The following SPRED2 variants were observed in gnomAD, a reference collection of about 807,000 sequenced individuals.
The protein encoded by SPRED2 is sprouty related EVH1 domain containing 2.
SPRED2 carries 47 observed loss-of-function variants against 43.0 expected under a neutral mutation model. The observed-to-expected ratio is 1.09, with a 90% CI of 0.87 to 1.40. SPRED2 has a LOEUF of 1.40. Among genes scored for constraint, SPRED2 ranks in the 40% most tolerant of loss-of-function variants. SPRED2 has a pLI of 0.00. For missense variants in SPRED2, 561 were observed against 586.4 expected (o/e 0.96, Z 0.45); for synonymous variants, 225 against 225.7 (o/e 1.00, Z 0.03).
intron 1 of SPRED2, among the ~76,000 whole-genome samples, chr2:65,391,610 C>T (rs1328587905): frequency 2.6e-5 from 4 of 152,172 alleles, no homozygotes; most frequent in Non-Finnish European, 4.4e-5. Flanking sequence ...AGGTTCTTAT[C>T]AACAGTTTCA....
chr2:65,411,791 G>A lies in SPRED2; in HGVS notation c.26+20171C>T, dbSNP rs566111409. On this transcript the variant is annotated intron_variant, in intron 1 of 5. Transcript: ENST00000356388. ...CTGGGTGGCTAGAGTAAGGCACAGA[G>A]GTGGCCTTTAGGATTGAGTACTCCG... is the stretch of plus-strand genomic sequence containing the variant. Among the ~76,000 whole-genome samples, 22 of 152,288 alleles carry A rather than the reference G, an allele frequency of 1.4e-4. No homozygotes were observed. The South Asian group carries it at 4.6e-3, about 32-fold the overall frequency.
At chr2:65,314,764 C>T (rs1673188826) in intron 5 of SPRED2, among the ~76,000 whole-genome samples, 1 of 152,186 alleles carries the variant, frequency 6.6e-6, no homozygotes, top group Non-Finnish European at 1.5e-5. Context: ...CATATGTGCA[C>T]AATATGTCCA....
intron 1 of SPRED2, among the ~76,000 whole-genome samples, chr2:65,408,858 C>T (rs1265387752): frequency 6.6e-6 from 1 of 152,172 alleles, no homozygotes; most frequent in Non-Finnish European, 1.5e-5. Flanking sequence ...GGATTACAAG[C>T]GTGAGCCACT....
intron 4 of SPRED2, among the ~76,000 whole-genome samples, chr2:65,318,102 A>C (rs1282335617): frequency 6.6e-6 from 1 of 152,056 alleles, no homozygotes; most frequent in Non-Finnish European, 1.5e-5. Flanking sequence ...TGTCCTCGGG[A>C]TAGTGAATAA....
At chr2:65,431,846 G>A in intron 1 of SPRED2, 116 bp downstream of exon 1, 4 of 1,259,254 alleles carry the variant, frequency 3.2e-6, no homozygotes, top group Non-Finnish European at 4.6e-6. Flanking sequence ...AAAGGTCAGC[G>A]AGTCGCTGCA....
intron 1 of SPRED2, among the ~76,000 whole-genome samples, chr2:65,383,516 A>G (rs961547343): frequency 6.6e-6 from 1 of 152,200 alleles, no homozygotes; most frequent in Non-Finnish European, 1.5e-5. Flanking sequence ...TCTGGCCAGA[A>G]AGAAGCTACC....
chr2:65,360,781 C>G (rs1422122536), intron 1 of SPRED2, among the ~76,000 whole-genome samples: 1 of 152,176 alleles, frequency 6.6e-6, no homozygotes, highest in Non-Finnish European at 1.5e-5. Context: ...CACTACTGTA[C>G]TGTTCACTTA....
intron 4 of SPRED2, among the ~76,000 whole-genome samples, chr2:65,326,345 A>G (rs1296814490): frequency 2.6e-5 from 4 of 152,150 alleles, no homozygotes; most frequent in Non-Finnish European, 5.9e-5. Flanking sequence ...TGAGAAACCT[A>G]TGATCAGTCC....
At chr2:65,417,021 C>CTA (rs1393967243) in intron 1 of SPRED2, among the ~76,000 whole-genome samples, 3 of 152,128 alleles carry the variant, frequency 2.0e-5, no homozygotes, top group African/African-American at 7.2e-5. Flanking sequence ...TCTCTCTTTG[C>CTA]TATAACAGCA....
intron 1 of SPRED2, among the ~76,000 whole-genome samples, chr2:65,390,916 T>C (rs1675619171): frequency 6.6e-6 from 1 of 151,878 alleles, no homozygotes; most frequent in African/African-American, 2.4e-5. Context: ...AAACCCCGTC[T>C]CTACAAAAAA....
At chr2:65,413,083 C>T (rs1676198420) in intron 1 of SPRED2, among the ~76,000 whole-genome samples, 1 of 152,200 alleles carries the variant, frequency 6.6e-6, no homozygotes, top group Non-Finnish European at 1.5e-5. Context: ...CTCCTTTCCC[C>T]ATCCTTGCCT....
chr2:65,356,819 C>T (rs1054170920), intron 1 of SPRED2, among the ~76,000 whole-genome samples: 1 of 151,930 alleles, frequency 6.6e-6, no homozygotes, highest in Non-Finnish European at 1.5e-5. Context: ...TGGTGAAACC[C>T]CGTCTCTACT....
intron 2 of SPRED2, among the ~76,000 whole-genome samples, chr2:65,336,602 A>C (rs2104225452): frequency 6.6e-6 from 1 of 152,290 alleles, no homozygotes; most frequent in Admixed American, 6.5e-5. Context: ...GCCCAGCCCC[A>C]TTCCACATTG....
At chr2:65,421,707 TC>T (rs113057177) in intron 1 of SPRED2, among the ~76,000 whole-genome samples, 2,863 of 152,300 alleles carry the variant, frequency 0.019, 94 homozygotes, top group African/African-American at 0.066. Flanking sequence ...TGGCACTGGC[TC>T]CCTATTCCAC....
At chr2:65,357,722 T>C (rs1019950822) in intron 1 of SPRED2, among the ~76,000 whole-genome samples, 1 of 152,174 alleles carries the variant, frequency 6.6e-6, no homozygotes, top group African/African-American at 2.4e-5. Context: ...ATCACAGAGC[T>C]AGAGGGTGAT....
chr2:65,415,494 C>T (rs922648108), intron 1 of SPRED2, among the ~76,000 whole-genome samples: 3 of 151,914 alleles, frequency 2.0e-5, no homozygotes, highest in Non-Finnish European at 4.4e-5. Context: ...TTCCTGTTCC[C>T]TGCAAAGTAA....
intron 2 of SPRED2, among the ~76,000 whole-genome samples, chr2:65,338,955 G>C (rs572406465): frequency 1.3e-5 from 2 of 151,490 alleles, no homozygotes; most frequent in Non-Finnish European, 2.9e-5. Flanking sequence ...CCGCCGCCCC[G>C]TCCGGGAGGT....
At chr2:65,329,453 C>CA (rs1460923928) in intron 4 of SPRED2, among the ~76,000 whole-genome samples, 1 of 152,210 alleles carries the variant, frequency 6.6e-6, no homozygotes, top group Non-Finnish European at 1.5e-5. Context: ...TGATCGCAGA[C>CA]ACCAGGGTCT....
chr2:65,411,362 AATTGGTTGCAAAAGTGCTAAT>A (rs1676155081), intron 1 of SPRED2, among the ~76,000 whole-genome samples: 1 of 152,092 alleles, frequency 6.6e-6, no homozygotes, highest in South Asian at 2.1e-4. Flanking sequence ...AGGGCGATTG[AATTGGTTGCAAAAGTGCTAAT>A]ATGGCATCGT....
Sources: allele counts gnomAD v4.1 joint callset (sites outside exome capture counted in the v4.1 genomes callset), GRCh38; gene constraint gnomAD v4.1.1; transcripts MANE v1.5; gene names NCBI Gene and HGNC (gene_info 2026-07-23, HGNC 2026-07-21).